The following FRYL variants were observed in gnomAD, a reference collection of about 807,000 sequenced individuals.
The protein encoded by FRYL is protein furry homolog-like.
FRYL carries 150 observed loss-of-function variants against 351.2 expected under a neutral mutation model. That is an observed-to-expected ratio of 0.43 (90% confidence interval 0.37 to 0.49). The LOEUF (loss-of-function observed/expected upper bound fraction) is 0.49, where lower values mean the gene tolerates loss of function less well. Ranked by LOEUF, FRYL falls within the 20% of genes least tolerant of loss-of-function variation. The probability of loss-of-function intolerance (pLI) is 0.00; values close to 1 mark genes in which losing one functional copy is unlikely to be tolerated. For missense variants in FRYL, 3,036 were observed against 3,619.3 expected (o/e 0.84, Z 4.13); for synonymous variants, 1,153 against 1,257.1 (o/e 0.92, Z 1.75).
At chr4:48,511,070 CTTTTA>C in intron 57 of FRYL, 86 bp from the exon 58 acceptor site, 1 of 750,836 alleles carries the variant, frequency 1.3e-6, no homozygotes, top group Non-Finnish European at 2.2e-6. Flanking sequence ...ATAGGGTAGA[CTTTTA>C]TTTTAAAATT....
intron 3 of FRYL, among the ~76,000 whole-genome samples, chr4:48,658,584 C>CAAAAAAAA (rs11388062): frequency 1.0e-5 from 1 of 95,894 alleles, no homozygotes. Flanking sequence ...CAAAAAAATA[C>CAAAAAAAA]AAAAAAAAAA....
Position 48,543,788 on chromosome 4 carries a change from A to G in FRYL, c.5592+19T>C. On this transcript the variant is annotated intron_variant, in intron 44 of 63. Transcript: ENST00000358350. The stretch of plus-strand genomic sequence containing the variant: ...ACTAGTAGCTGCTCAATAACTGCTG[A>G]AAGAATATAAGGAAATACCTGTGCA... 1 of 1,604,988 alleles carries G rather than the reference A, an allele frequency of 6.2e-7. No individual in the cohort carries two copies. Among genetic ancestry groups the G allele is most frequent in the Non-Finnish European group, 8.5e-7 (1 of 1,174,556 alleles).
chr4:48,677,525 C>T lies in FRYL; in HGVS notation c.-81+7148G>A, dbSNP rs190876892. Reference sequence around the variant, plus strand: ...TCCCGGGTTCAAGCGATTCTCCTGCCTCAGCTTCCCAAGTAGCTGGGATTA... The same window carrying T: ...TCCCGGGTTCAAGCGATTCTCCTGCTTCAGCTTCCCAAGTAGCTGGGATTA... On this transcript the variant is annotated intron_variant, in intron 3 of 63. Coordinates refer to ENST00000358350, the MANE Select transcript of FRYL (RefSeq NM_015030.2). Among the ~76,000 whole-genome samples the T allele has an allele frequency of 3.3e-3, 499 of 152,122 alleles. 1 individual carries two copies. The highest frequency in any genetic ancestry group is 4.8e-3 in the Non-Finnish European group (326 of 67,996).
chr4:48,763,106 T>TAAAAAAA (rs10683757), intron 1 of FRYL, among the ~76,000 whole-genome samples: 2 of 91,514 alleles, frequency 2.2e-5, no homozygotes, highest in African/African-American at 4.1e-5. Context: ...TACAGATCTG[T>TAAAAAAA]AAAAAAAAAA....
rs1275205712 is a variant in FRYL at position 48,634,440 on chromosome 4, G to A, written c.-30C>T. 3 of 1,612,484 alleles carry A rather than the reference G, an allele frequency of 1.9e-6. No homozygotes were observed. The highest frequency in any genetic ancestry group is 2.5e-6 in the Non-Finnish European group (3 of 1,178,964). On this transcript the variant is annotated 5_prime_UTR_variant, in exon 4 of 64. Coordinates refer to ENST00000358350, the MANE Select transcript of FRYL (RefSeq NM_015030.2). The stretch of plus-strand genomic sequence containing the variant: ...ATATTTTTTTTTCCCCAAGTGGAAT[G>A]AAAGTTGGAAGAAGCACAGTATTTA...
chr4:48,687,497 G>C lies in FRYL; in HGVS notation c.-203-2702C>G, dbSNP rs1210997296. 2.2e-4 allele frequency among the ~76,000 whole-genome samples: 28 copies of C among 128,366 alleles called. 2 individuals are homozygous for C. Among genetic ancestry groups the C allele is most frequent in the African/African-American group, 7.8e-4 (26 of 33,292 alleles). The allele number at this position is 128,366 out of a possible 152,430, so 84.2% of individuals were successfully genotyped here. A position where few individuals can be genotyped will look rare whatever the true frequency, so the allele number is the denominator to read the frequency against. Reference sequence around the variant, plus strand: ...GGCCTCAGGGCAAATGAGGTCGGGGGGGGGGGGGGTGAGGGGGGAGGGGGG... The same window carrying C: ...GGCCTCAGGGCAAATGAGGTCGGGGCGGGGGGGGGTGAGGGGGGAGGGGGG... On this transcript the variant is annotated intron_variant, in intron 2 of 63. Transcript: ENST00000358350.
chr4:48,723,840 C>A (rs569301953), intron 1 of FRYL, among the ~76,000 whole-genome samples: 2 of 151,576 alleles, frequency 1.3e-5, no homozygotes, highest in Admixed American at 6.6e-5. Flanking sequence ...AATCACAATA[C>A]TTTGGGAGGC....
At chr4:48,734,905 C>T (rs1448157939) in intron 1 of FRYL, among the ~76,000 whole-genome samples, 1 of 151,982 alleles carries the variant, frequency 6.6e-6, no homozygotes, top group African/African-American at 2.4e-5. Context: ...AGGACATAGG[C>T]GTGGGCAAGG....
At chr4:48,661,815 G>A (rs1760785525) in intron 3 of FRYL, among the ~76,000 whole-genome samples, 1 of 151,806 alleles carries the variant, frequency 6.6e-6, no homozygotes, top group East Asian at 1.9e-4. Flanking sequence ...TTCTTTAAAC[G>A]GCAATTATAA....
intron 60 of FRYL, among the ~76,000 whole-genome samples, chr4:48,503,573 T>C (rs1720216478): frequency 6.6e-6 from 1 of 152,246 alleles, no homozygotes; most frequent in South Asian, 2.1e-4. Flanking sequence ...TACAGCAACT[T>C]GGATCTGGTC....
chr4:48,776,577 A>G (rs1776048099), intron 1 of FRYL, among the ~76,000 whole-genome samples: 1 of 152,206 alleles, frequency 6.6e-6, no homozygotes, highest in Non-Finnish European at 1.5e-5. Context: ...GCCATACTGT[A>G]AGTCAGACCA....
At chr4:48,594,597 A>C (rs1184870349) in intron 15 of FRYL, among the ~76,000 whole-genome samples, 1 of 152,204 alleles carries the variant, frequency 6.6e-6, no homozygotes. Context: ...AATCTTACTG[A>C]TACCCTTATA....
rs6825721 is a variant in FRYL at position 48,564,357 on chromosome 4, G to A, written c.3442-255C>T. On this transcript the variant is annotated intron_variant, in intron 30 of 63. Transcript: ENST00000358350. ...GTCTTCCAACAGAGCCCTGAAGGCA[G>A]TTAATGAATATGAATAGTGATTAGG... Among the ~76,000 whole-genome samples, 465 of 152,330 alleles carry A rather than the reference G, an allele frequency of 3.1e-3. 1 individual carries two copies. The highest frequency in any genetic ancestry group is 0.011 in the African/African-American group (444 of 41,564).
At chr4:48,663,524 T>C (rs546616262) in intron 3 of FRYL, among the ~76,000 whole-genome samples, 33 of 151,552 alleles carry the variant, frequency 2.2e-4, no homozygotes, top group Middle Eastern at 3.4e-3. Context: ...TTACCTTCAA[T>C]ACAAGTGATC....
chr4:48,692,565 G>C (rs1201851553), intron 2 of FRYL, among the ~76,000 whole-genome samples: 1 of 152,016 alleles, frequency 6.6e-6, no homozygotes, highest in Non-Finnish European at 1.5e-5. Context: ...ACTAATTTTT[G>C]TATTTTTAGT....
At position 48,586,556 on chromosome 4, in the gene FRYL, G is replaced by A. The variant is rs575121707; in HGVS notation, c.1748+65C>T. ...CTTTTTAGTGATAACAGTAACAAAG[G>A]TATATTAGAAATATAAAGGAGCAGA... On this transcript the variant is annotated intron_variant, in intron 19 of 63. Transcript: ENST00000358350. 1.8e-4 allele frequency: 183 copies of A among 1,017,110 alleles called. 1 individual carries two copies. In the African/African-American group the frequency reaches 2.6e-3, roughly 15 times the overall value. The allele number at this position is 1,017,110 out of a possible 1,614,324, so 63.0% of individuals were successfully genotyped here.
chr4:48,778,230 A>G (rs1776230247), intron 1 of FRYL, among the ~76,000 whole-genome samples: 1 of 151,864 alleles, frequency 6.6e-6, no homozygotes, highest in Non-Finnish European at 1.5e-5. Flanking sequence ...TAGTTTCTCT[A>G]TTGTTACTGC....
At chr4:48,663,073 C>T (rs1424921585) in intron 3 of FRYL, among the ~76,000 whole-genome samples, 15 of 151,942 alleles carry the variant, frequency 9.9e-5, no homozygotes, top group Admixed American at 3.9e-4. Flanking sequence ...AGTTAAAATA[C>T]TTTTTGTTTC....
intron 2 of FRYL, among the ~76,000 whole-genome samples, chr4:48,699,924 A>G (rs1766561361): frequency 6.6e-6 from 1 of 152,248 alleles, no homozygotes; most frequent in Non-Finnish European, 1.5e-5. Context: ...TAAGCTAGAT[A>G]TTAATGTTAA....
Sources: gnomAD v4.1 joint callset for allele counts (sites outside exome capture counted in the v4.1 genomes callset) on GRCh38, gnomAD v4.1.1 for gene constraint, MANE v1.5 for transcripts, NCBI Gene and HGNC (gene_info 2026-07-23, HGNC 2026-07-21) for gene names.